The following RBM48 variants were observed in gnomAD, a reference collection of about 807,000 sequenced individuals.
RBM48 encodes the protein RNA-binding protein 48.
RBM48 carries 32 observed loss-of-function variants against 34.8 expected under a neutral mutation model. The observed-to-expected ratio is 0.92, with a 90% CI of 0.69 to 1.23. The LOEUF (loss-of-function observed/expected upper bound fraction) is 1.23, where lower values mean the gene tolerates loss of function less well. Among genes scored for constraint, RBM48 ranks in the 50% most tolerant of loss-of-function variants. RBM48 has a pLI of 0.00. For synonymous variants in RBM48, 151 were observed against 156.2 expected, an observed-to-expected ratio of 0.97 and a Z score of 0.25; for missense variants, 441 against 447.2, an observed-to-expected ratio of 0.99 and a Z score of 0.12.
Position 92,534,604 on chromosome 7 carries a change from T to C in RBM48, c.651T>C (p.Pro217=). The change falls in exon 4 of 5, where the codon CCT becomes CCC. Residue 217 remains proline, a synonymous_variant. Transcript: ENST00000265732. ...SSKCMCSSGG[P]VDRAPDSSKD... ...AATGTATGTGTTCATCCGGGGGACC[T>C]GTAGACAGAGCACCAGACTCCTCTA... 6.2e-7 allele frequency: 1 copy of C among 1,614,200 alleles called. No individual in the cohort carries two copies. The highest frequency in any genetic ancestry group is 8.5e-7 in the Non-Finnish European group (1 of 1,180,020).
chr7:92,535,481 G>A lies in RBM48; in HGVS notation c.1017+511G>A, dbSNP rs186701891. On this transcript the variant is annotated intron_variant, in intron 4 of 4. Transcript: ENST00000265732. ...TCAAATGTAGACTTCTTAAATGATC[G>A]GGATCAGATTGTGCTGCCTAGGTAG... 293 of 991,592 alleles carry A rather than the reference G, an allele frequency of 3.0e-4. 2 individuals are homozygous for A. In the African/African-American group the frequency reaches 4.5e-3, roughly 15 times the overall value. 61.4% of individuals were successfully genotyped at this position (991,592 alleles called of 1,614,324 possible).
chr7:92,529,423 T>C, intron 1 of RBM48, 53 bp from the exon 2 acceptor site: 1 of 1,093,948 alleles, frequency 9.1e-7, no homozygotes, highest in Admixed American at 2.4e-5. Context: ...TAGAGGCAGA[T>C]TCGTCCTAGG....
chr7:92,530,925 A>C (rs1190293278), intron 2 of RBM48, among the ~76,000 whole-genome samples: 1 of 152,072 alleles, frequency 6.6e-6, no homozygotes, highest in African/African-American at 2.4e-5. Context: ...TTGTAAAAAT[A>C]CAAAAATCAA....
At chr7:92,534,229 C>G (rs1350992051) in intron 3 of RBM48, 173 bp from the exon 4 acceptor site, 1 of 938,794 alleles carries the variant, frequency 1.1e-6, no homozygotes, top group Admixed American at 2.5e-5. Context: ...ATCTTTTTAT[C>G]CGTTTTAGGT....
At chr7:92,534,219 ATCTT>A in intron 3 of RBM48, 179 bp from the exon 4 acceptor site, 3 of 857,480 alleles carry the variant, frequency 3.5e-6, no homozygotes, top group Non-Finnish European at 5.4e-6. Context: ...GATGCTATAT[ATCTT>A]TTTATCCGTT....
Position 92,528,914 on chromosome 7 carries a change from G to A in RBM48, c.101G>A (p.Arg34His). The A allele has an allele frequency of 1.9e-6, 3 of 1,613,244 alleles. No individual in the cohort carries two copies. The highest frequency in any genetic ancestry group is 1.3e-5 in the African/African-American group (1 of 75,034). Residue 34 changes from arginine to histidine, a missense_variant, in exon 1 of 5, where the codon CGT becomes CAT. By Grantham distance (29) the Arg-to-His change is conservative (BLOSUM62 0). Coordinates refer to ENST00000265732, the MANE Select transcript of RBM48 (RefSeq NM_032120.4). Reference sequence around the variant, plus strand: ...AAATATCGAGAGGGACGACGGCCTCGTGCTGTGAAGGTAAAGTGATTTTGG... The same window carrying A: ...AAATATCGAGAGGGACGACGGCCTCATGCTGTGAAGGTAAAGTGATTTTGG... ...RAKYREGRRP[R>H]AVKVYTINLE... is the part of the protein sequence containing the mutation.
At chr7:92,533,880 T>G (rs1793635193) in intron 3 of RBM48, among the ~76,000 whole-genome samples, 1 of 148,088 alleles carries the variant, frequency 6.8e-6, no homozygotes, top group Non-Finnish European at 1.5e-5. Flanking sequence ...GCCCTAGAAG[T>G]GCGACAAGCA....
chr7:92,529,637 T>C lies in RBM48; in HGVS notation c.273T>C (p.Leu91=), dbSNP rs183454473. Residue 91 remains leucine (L), a synonymous_variant, in exon 2 of 5, where the codon CTT becomes CTC. Transcript: ENST00000265732. Reference sequence around the variant, plus strand: ...CAGAAGACTTTACTGAAGTTTATCTTATTAAATTTATGAACTTACAAAGTG... The same window carrying C: ...CAGAAGACTTTACTGAAGTTTATCTCATTAAATTTATGAACTTACAAAGTG... ...YPAEDFTEVY[L]IKFMNLQSAR... 2.8e-4 allele frequency: 447 copies of C among 1,599,418 alleles called. 1 individual carries two copies. The African/African-American group carries it at 5.0e-3, about 18-fold the overall frequency.
rs1236175473 is a variant in RBM48, at chr7:92,533,987, AAAC to A, written c.449-414_449-412del. ...AATTGTAAAAAAAAAAAAAAAAAAA[AAAC>A]CTTTCTATATAATGATGAAAAACCT... is the stretch of plus-strand genomic sequence containing the variant. On this transcript the variant is annotated intron_variant, in intron 3 of 4. Transcript: ENST00000265732. Among the ~76,000 whole-genome samples, 8 of 150,732 alleles carry A rather than the reference AAAC, an allele frequency of 5.3e-5. No individual in the cohort carries two copies. The East Asian group carries it at 6.9e-4, about 13-fold the overall frequency.
rs936672351 is a variant in RBM48 at position 92,539,616 on chromosome 7, T to G, written c.*2679T>G. Among the ~76,000 whole-genome samples, 2 of 152,204 alleles carry G rather than the reference T, an allele frequency of 1.3e-5. No individual in the cohort carries two copies. The highest frequency in any genetic ancestry group is 4.8e-5 in the African/African-American group (2 of 41,458). On this transcript the variant is annotated 3_prime_UTR_variant, in exon 5 of 5. Transcript: ENST00000265732. The stretch of plus-strand genomic sequence containing the variant: ...CGGGAGGCTGAGGCATGAGAATTAC[T>G]TGAACCCAGGAGGCAGAGATCGCAG...
intron 4 of RBM48, chr7:92,535,879 A>T (rs1793699051): frequency 1.1e-6 from 1 of 927,116 alleles, no homozygotes; most frequent in African/African-American, 1.8e-5. Context: ...TCACACCAAT[A>T]ACTTCAGCAC....
intron 4 of RBM48, chr7:92,536,571 A>C (rs1175109891): frequency 9.5e-7 from 1 of 1,048,032 alleles, no homozygotes; most frequent in Non-Finnish European, 1.1e-6. Context: ...GTGTCTTTAG[A>C]TCTATAAAGG....
In RBM48 at chr7:92,532,536, T is replaced by C. The variant is rs368937735; in HGVS notation, c.435T>C (p.Thr145=). Residue 145 remains threonine, a synonymous_variant, in exon 3 of 5, where the codon ACT becomes ACC. Coordinates refer to ENST00000265732, the MANE Select transcript of RBM48 (RefSeq NM_032120.4). ...LQMRKAYVVK[T]TENKDHYVTK... The stretch of plus-strand genomic sequence containing the variant: ...TGCGGAAGGCATATGTAGTAAAAAC[T>C]ACTGAAAATAAAGGTATGGAAAGCA... 4.5e-5 allele frequency: 72 copies of C among 1,610,382 alleles called. 1 individual carries two copies. The African/African-American group carries it at 8.8e-4, about 20-fold the overall frequency.
At position 92,528,940 on chromosome 7, in the gene RBM48, T is replaced by A. The variant is rs1419734981; in HGVS notation, c.111+16T>A. 6.3e-7 allele frequency: 1 copy of A among 1,579,172 alleles called. No homozygotes were observed. The highest frequency in any genetic ancestry group is 1.1e-5 in the South Asian group (1 of 89,704). Reference sequence around the variant, plus strand: ...TGCTGTGAAGGTAAAGTGATTTTGGTTTCATTCGCTCTCCTCGGTAGCTTT... The same window carrying A: ...TGCTGTGAAGGTAAAGTGATTTTGGATTCATTCGCTCTCCTCGGTAGCTTT... On this transcript the variant is annotated intron_variant, in intron 1 of 4. Coordinates refer to ENST00000265732, the MANE Select transcript of RBM48 (RefSeq NM_032120.4).
chr7:92,537,578 G>T lies in RBM48; in HGVS notation c.*641G>T, dbSNP rs968984908. Reference sequence around the variant, plus strand: ...AAACACTAGAAGTCAGGATGTTTCCGAATGCCAGGGTTTCAAAATCAAGAC... The same window carrying T: ...AAACACTAGAAGTCAGGATGTTTCCTAATGCCAGGGTTTCAAAATCAAGAC... On this transcript the variant is annotated 3_prime_UTR_variant, in exon 5 of 5. Coordinates refer to ENST00000265732, the MANE Select transcript of RBM48 (RefSeq NM_032120.4). 2.0e-5 allele frequency: 3 copies of T among 152,118 alleles called. No homozygotes were observed. The highest frequency in any genetic ancestry group is 2.0e-4 in the Admixed American group (3 of 15,268). 9.4% of individuals were successfully genotyped at this position (152,118 alleles called of 1,614,324 possible).
In RBM48 at chr7:92,538,773, T is replaced by C. The variant is rs1793787332; in HGVS notation, c.*1836T>C. ...GGGAGGGAAAATGAGGAGTTACGGT[T>C]TAATGGGCATAGAATTTCAGTTTTG... On this transcript the variant is annotated 3_prime_UTR_variant, in exon 5 of 5. Coordinates refer to ENST00000265732, the MANE Select transcript of RBM48 (RefSeq NM_032120.4). Among the ~76,000 whole-genome samples the C allele has an allele frequency of 6.6e-6, 1 of 151,980 alleles. No individual in the cohort carries two copies. Among genetic ancestry groups the C allele is most frequent in the African/African-American group, 2.4e-5 (1 of 41,342 alleles).
rs953973402 is a variant in RBM48, at chr7:92,539,814, C to T, written c.*2877C>T. Among the ~76,000 whole-genome samples the T allele has an allele frequency of 1.3e-5, 2 of 152,168 alleles. No individual in the cohort carries two copies. Among genetic ancestry groups the T allele is most frequent in the Non-Finnish European group, 2.9e-5 (2 of 68,026 alleles). On this transcript the variant is annotated 3_prime_UTR_variant, in exon 5 of 5. Coordinates refer to ENST00000265732, the MANE Select transcript of RBM48 (RefSeq NM_032120.4). Reference sequence around the variant, plus strand: ...AGACTGATACTTGCAGCTCAGAAAACTTTTGTCAGATGCATACATGAAAAA... The same window carrying T: ...AGACTGATACTTGCAGCTCAGAAAATTTTTGTCAGATGCATACATGAAAAA...
chr7:92,528,796 A>G lies in RBM48; in HGVS notation c.-18A>G, dbSNP rs376267606. On this transcript the variant is annotated 5_prime_UTR_variant, in exon 1 of 5. Transcript: ENST00000265732. ...TAGGGCGGATGTTGTCCTCCCTGCG[A>G]GGATCAAAGTAGGCAAGATGGCGTC... is the stretch of plus-strand genomic sequence containing the variant. The G allele has an allele frequency of 3.1e-6, 5 of 1,604,122 alleles. No homozygotes were observed. The highest frequency in any genetic ancestry group is 3.4e-6 in the Non-Finnish European group (4 of 1,171,210).
In RBM48 at chr7:92,538,954, C is replaced by CA. The variant is rs371766958; in HGVS notation, c.*2018dup. On this transcript the variant is annotated 3_prime_UTR_variant, in exon 5 of 5. Transcript: ENST00000265732. The stretch of plus-strand genomic sequence containing the variant: ...ACTCCTCATCCCCACCAACATAATT[C>CA]ATCATGAGGAGAGACAGAAAGAAAC... Among the ~76,000 whole-genome samples, 183 of 152,290 alleles carry CA rather than the reference C, an allele frequency of 1.2e-3. 2 individuals are homozygous for CA. Among genetic ancestry groups the CA allele is most frequent in the African/African-American group, 4.2e-3 (174 of 41,566 alleles).
Sources: gnomAD v4.1 joint callset for allele counts (sites outside exome capture counted in the v4.1 genomes callset) on GRCh38, gnomAD v4.1.1 for gene constraint, MANE v1.5 for transcripts, NCBI Gene and HGNC (gene_info 2026-07-23, HGNC 2026-07-21) for gene names.